HHIP: variants seen among roughly 807,000 people sequenced by gnomAD.
HHIP encodes the protein hedgehog interacting protein.
In HHIP, 12 loss-of-function variants were observed where a neutral mutation model predicts 74.0. The observed-to-expected ratio is 0.16, with a 90% CI of 0.10 to 0.26. The LOEUF (loss-of-function observed/expected upper bound fraction) is 0.26. Among genes scored for constraint, HHIP ranks in the 10% least tolerant of loss-of-function variants. HHIP has a pLI of 1.00. For missense variants in HHIP, 788 were observed against 845.0 expected (o/e 0.93, Z 0.84); for synonymous variants, 309 against 311.6 (o/e 0.99, Z 0.09).
chr4:144,721,622 C>G (rs1007707584), intron 11 of HHIP, among the ~76,000 whole-genome samples: 1 of 150,836 alleles, frequency 6.6e-6, no homozygotes, highest in Non-Finnish European at 1.5e-5. Flanking sequence ...ACTTCCAGGC[C>G]GGGCGTGGTG....
intron 4 of HHIP, among the ~76,000 whole-genome samples, chr4:144,681,409 G>A (rs896474595): frequency 7.6e-4 from 113 of 149,422 alleles, no homozygotes; most frequent in African/African-American, 2.7e-3. Context: ...AAGTCTATCG[G>A]ATTGCAGAGT....
chr4:144,730,540 C>T (rs985323899), intron 11 of HHIP, among the ~76,000 whole-genome samples: 3 of 152,000 alleles, frequency 2.0e-5, no homozygotes, highest in Non-Finnish European at 4.4e-5. Context: ...AAAAGAAGAA[C>T]GAGACAATTT....
At chr4:144,723,117 G>A (rs1018749689) in intron 11 of HHIP, among the ~76,000 whole-genome samples, 1 of 152,062 alleles carries the variant, frequency 6.6e-6, no homozygotes. Flanking sequence ...CTAGGAATTT[G>A]TAAAGGAAAA....
rs910572612 is a variant in HHIP at position 144,682,965 on chromosome 4, G to A, written c.831+23127G>A. Among the ~76,000 whole-genome samples, 9 of 152,112 alleles carry A rather than the reference G, an allele frequency of 5.9e-5. No homozygotes were observed. The East Asian group carries it at 1.3e-3, about 23-fold the overall frequency. ...TAAAACAAAGCTTGGATATATTTGC[G>A]TTTAGAGGAAGAAATAGATTTAAGC... On this transcript the variant is annotated intron_variant, in intron 4 of 12. Transcript: ENST00000296575.
At chr4:144,710,496 T>G (rs6846476) in intron 7 of HHIP, among the ~76,000 whole-genome samples, 87,009 of 152,032 alleles carry the variant, frequency 0.57, 25,082 homozygotes, top group South Asian at 0.76. Context: ...TTTTATAATT[T>G]CTACATGACT....
At chr4:144,709,377 T>C (rs905943176) in intron 7 of HHIP, among the ~76,000 whole-genome samples, 1 of 152,096 alleles carries the variant, frequency 6.6e-6, no homozygotes, top group Non-Finnish European at 1.5e-5. Flanking sequence ...AAGCAACACT[T>C]TGAAGTCAGG....
At chr4:144,717,825 C>T (rs1730501002) in intron 10 of HHIP, among the ~76,000 whole-genome samples, 1 of 152,074 alleles carries the variant, frequency 6.6e-6, no homozygotes, top group Non-Finnish European at 1.5e-5. Flanking sequence ...GATGTACTTT[C>T]ATGTCTTCTA....
At chr4:144,650,422 G>A (rs1160656337) in intron 1 of HHIP, among the ~76,000 whole-genome samples, 1 of 152,056 alleles carries the variant, frequency 6.6e-6, no homozygotes, top group African/African-American at 2.4e-5. Context: ...AATTGAAACA[G>A]GAAATTAGCT....
intron 4 of HHIP, among the ~76,000 whole-genome samples, chr4:144,667,106 T>C (rs1181612141): frequency 1.3e-5 from 2 of 152,156 alleles, no homozygotes; most frequent in Non-Finnish European, 2.9e-5. Context: ...CCCAGCATTT[T>C]GGGAGGCTGA....
Position 144,742,893 on chromosome 4 carries a change from ATATATCTTTT to A in HHIP, c.*4942_*4951del, listed in dbSNP as rs1731292127. 1.0e-3 allele frequency: 2 copies of A among 1,956 alleles called. No homozygotes were observed. The highest frequency in any genetic ancestry group is 0.017 in the Non-Finnish European group (2 of 118). 0.1% of individuals were successfully genotyped at this position (1,956 alleles called of 1,614,324 possible). On this transcript the variant is annotated 3_prime_UTR_variant, in exon 13 of 13. Coordinates refer to ENST00000296575, the MANE Select transcript of HHIP (RefSeq NM_022475.3). ...ATATCTTTTTATATATATCTTATAT[ATATATCTTTT>A]TATATATATCTTATATATATATCTT...
At position 144,658,351 on chromosome 4, in the gene HHIP, G is replaced by GTATTTATT. The variant is rs139338114; in HGVS notation, c.473-413_473-406dup. 5.6e-3 allele frequency among the ~76,000 whole-genome samples: 827 copies of GTATTTATT among 148,112 alleles called. 2 individuals carry two copies. Among genetic ancestry groups the GTATTTATT allele is most frequent in the African/African-American group, 0.016 (619 of 39,884 alleles). On this transcript the variant is annotated intron_variant, in intron 2 of 12. Transcript: ENST00000296575. ...CGATATTTTTCATTCTTTTTATTTA[G>GTATTTATT]TATTTATTTATTTATTTATTTATTT...
chr4:144,741,236 T>C lies in HHIP; in HGVS notation c.*3279T>C, dbSNP rs1296658198. On this transcript the variant is annotated 3_prime_UTR_variant, in exon 13 of 13. Coordinates refer to ENST00000296575, the MANE Select transcript of HHIP (RefSeq NM_022475.3). ...TAGAGAAACCAACACATACAATATA[T>C]ACACACAACCTAAATAGAAAACTAT... The C allele has an allele frequency of 6.6e-6, 1 of 151,988 alleles. No homozygotes were observed. The allele number at this position is 151,988 out of a possible 1,614,324, so 9.4% of individuals were successfully genotyped here.
At chr4:144,698,851 A>G (rs1040545423) in intron 4 of HHIP, among the ~76,000 whole-genome samples, 1 of 152,192 alleles carries the variant, frequency 6.6e-6, no homozygotes, top group Non-Finnish European at 1.5e-5. Context: ...AGTCAAGTTC[A>G]AGAGTAAGAA....
intron 4 of HHIP, among the ~76,000 whole-genome samples, chr4:144,700,652 G>C (rs1729951558): frequency 3.3e-5 from 5 of 152,122 alleles, no homozygotes; most frequent in Admixed American, 2.0e-4. Flanking sequence ...ATGGAAGAAA[G>C]AAGACACAAA....
intron 4 of HHIP, among the ~76,000 whole-genome samples, chr4:144,663,273 A>G (rs1398964626): frequency 6.6e-6 from 1 of 152,154 alleles, no homozygotes; most frequent in Non-Finnish European, 1.5e-5. Flanking sequence ...TAGCCTAGGC[A>G]ACAGAGCGAG....
At chr4:144,701,323 CTTTTTTTT>C (rs56360210) in intron 4 of HHIP, among the ~76,000 whole-genome samples, 2 of 144,344 alleles carry the variant, frequency 1.4e-5, no homozygotes, top group African/African-American at 5.1e-5. Flanking sequence ...CTGTTTTTTT[CTTTTTTTT>C]TTTTTAGCAA....
rs559750159 is a variant in HHIP at position 144,650,297 on chromosome 4, T to C, written c.280-2308T>C. Among the ~76,000 whole-genome samples the C allele has an allele frequency of 2.0e-5, 3 of 152,220 alleles. No homozygotes were observed. In the East Asian group the frequency reaches 5.8e-4, roughly 29 times the overall value. On this transcript the variant is annotated intron_variant, in intron 1 of 12. Coordinates refer to ENST00000296575, the MANE Select transcript of HHIP (RefSeq NM_022475.3). ...GGATGACCTGCCAGATGTTATAAAT[T>C]AGCAACAGCCACAATGATTACTAGG...
At chr4:144,670,398 T>A (rs1729000533) in intron 4 of HHIP, among the ~76,000 whole-genome samples, 1 of 149,314 alleles carries the variant, frequency 6.7e-6, no homozygotes, top group Non-Finnish European at 1.5e-5. Flanking sequence ...GAGACGGAGG[T>A]TGCAATGAAT....
chr4:144,659,877 C>T (rs200052054), intron 4 of HHIP, 39 bp downstream of exon 4: 36 of 1,464,700 alleles, frequency 2.5e-5, no homozygotes, highest in Middle Eastern at 1.7e-4. Flanking sequence ...GTGCTGGCTA[C>T]GTTAATTTTA....
Sources: gnomAD v4.1 joint callset for allele counts (sites outside exome capture counted in the v4.1 genomes callset) on GRCh38, gnomAD v4.1.1 for gene constraint, MANE v1.5 for transcripts, NCBI Gene and HGNC (gene_info 2026-07-23, HGNC 2026-07-21) for gene names.